Variants in EEF1AKMT2 observed in about 807,000 individuals in gnomAD.
The protein encoded by EEF1AKMT2 is EEF1A lysine methyltransferase 2, also known as eukaryotic translation elongation factor 1 alpha lysine methyltransferase 2.
A neutral mutation model predicts 35.8 loss-of-function variants in EEF1AKMT2; 32 were observed. That is an observed-to-expected ratio of 0.89 (90% CI 0.67 to 1.20). EEF1AKMT2 has a LOEUF of 1.20. EEF1AKMT2 is among the 50% of genes most tolerant of loss of function. The pLI is 0.00. For missense variants in EEF1AKMT2, 330 were observed against 347.5 expected (o/e 0.95, Z 0.40); for synonymous variants, 121 against 133.7 (o/e 0.91, Z 0.65).
In EEF1AKMT2 at chr10:124,783,137, CTTTTTTT is replaced by C. The variant is rs34632746; in HGVS notation, c.291+5899_291+5905del. 1.1e-4 allele frequency among the ~76,000 whole-genome samples: 9 copies of C among 85,016 alleles called. No homozygotes were observed. In the East Asian group the frequency reaches 2.0e-3, roughly 19 times the overall value. The allele number at this position is 85,016 out of a possible 152,430, so 55.8% of individuals were successfully genotyped here. ...TATTGGTGAGGATATAGGGAAAAAC[CTTTTTTT>C]TTTTTTTTTTTTTTGAGACAGAGTC... On this transcript the variant is annotated intron_variant, in intron 3 of 6. Coordinates refer to ENST00000368836, the MANE Select transcript of EEF1AKMT2 (RefSeq NM_212554.4).
In EEF1AKMT2 at chr10:124,760,096, T is replaced by C. The variant is rs1950318157; in HGVS notation, c.*407A>G. On this transcript the variant is annotated 3_prime_UTR_variant, in exon 7 of 7. Transcript: ENST00000368836. ...CCAAGGCACAAAAATCAAGAATACA[T>C]GCTTTCTATAAACTCATTTACTACT... 3.3e-6 allele frequency: 1 copy of C among 303,546 alleles called. No homozygotes were observed. The highest frequency in any genetic ancestry group is 5.5e-5 in the East Asian group (1 of 18,290). 18.8% of individuals were successfully genotyped at this position (303,546 alleles called of 1,614,324 possible).
chr10:124,779,801 G>A (rs1012742402), intron 3 of EEF1AKMT2, among the ~76,000 whole-genome samples: 2 of 135,768 alleles, frequency 1.5e-5, no homozygotes, highest in Admixed American at 7.9e-5. Flanking sequence ...GGTGGCTCAC[G>A]CCTGTAATCC....
chr10:124,791,091 CTT>C (rs1950630350), intron 1 of EEF1AKMT2, among the ~76,000 whole-genome samples: 2 of 152,272 alleles, frequency 1.3e-5, no homozygotes, highest in Middle Eastern at 6.8e-3. Flanking sequence ...TTTGCCGTCT[CTT>C]TTCCTACAAT....
chr10:124,765,413 A>G lies in EEF1AKMT2; in HGVS notation c.595T>C (p.Leu199=). 2.5e-6 allele frequency: 4 copies of G among 1,613,788 alleles called. No individual in the cohort carries two copies. The highest frequency in any genetic ancestry group is 2.5e-6 in the Non-Finnish European group (3 of 1,179,884). Residue 199 remains leucine, a synonymous_variant, in exon 5 of 7, where the codon TTG becomes CTG. Coordinates refer to ENST00000368836, the MANE Select transcript of EEF1AKMT2 (RefSeq NM_212554.4). The stretch of plus-strand genomic sequence containing the variant: ...TTACCTTCACTGAATTCATTTAGCA[A>G]CTCTTCCTTGGTCCAATTACATGAC... ...ITSCNWTKEE[L]LNEFSEGWST...
In EEF1AKMT2 at chr10:124,774,762, AT is replaced by A; in HGVS notation, c.311del (p.Asn104IlefsTer19). 6.8e-7 allele frequency: 1 copy of A among 1,470,512 alleles called. No individual in the cohort carries two copies. The highest frequency in any genetic ancestry group is 1.6e-5 in the South Asian group (1 of 63,946). The allele number at this position is 1,470,512 out of a possible 1,614,324, so 91.1% of individuals were successfully genotyped here. ...LVELAKFGFS[N>X]ITGIDYSPSA... ...AAGGAGAGTAATCAATTCCAGTAATATTAGAGAAACCAAATTTTGCCTAGAG... is the reference window on the plus strand; with the variant it reads ...AAGGAGAGTAATCAATTCCAGTAATATAGAGAAACCAAATTTTGCCTAGAG... On this transcript the variant is annotated frameshift_variant, in exon 4 of 7. Coordinates refer to ENST00000368836, the MANE Select transcript of EEF1AKMT2 (RefSeq NM_212554.4). LOFTEE classifies it high-confidence loss of function.
At chr10:124,772,420 C>CTTTTTTTTTTTTTTTTTTT (rs59707540) in intron 4 of EEF1AKMT2, among the ~76,000 whole-genome samples, 1 of 75,412 alleles carries the variant, frequency 1.3e-5, no homozygotes, top group Admixed American at 2.2e-4. Context: ...TTTTCTTTTT[C>CTTTTTTTTTTTTTTTTTTT]TTTTTTTTTT....
intron 3 of EEF1AKMT2, among the ~76,000 whole-genome samples, chr10:124,782,513 C>T (rs905248488): frequency 7.4e-6 from 1 of 135,554 alleles, no homozygotes; most frequent in African/African-American, 2.8e-5. Context: ...ACCTGGGAGG[C>T]GGAGCTTGCA....
chr10:124,773,847 G>A (rs760836253), intron 4 of EEF1AKMT2, among the ~76,000 whole-genome samples: 1 of 152,102 alleles, frequency 6.6e-6, no homozygotes, highest in South Asian at 2.1e-4. Flanking sequence ...TGAAAAAATG[G>A]TGTCAACAGA....
intron 4 of EEF1AKMT2, among the ~76,000 whole-genome samples, chr10:124,772,754 T>G (rs1950449462): frequency 1.3e-5 from 2 of 152,186 alleles, no homozygotes; most frequent in African/African-American, 4.8e-5. Flanking sequence ...TTAAATCTCA[T>G]GAACTAACTA....
At chr10:124,783,864 G>C (rs1482019454) in intron 3 of EEF1AKMT2, among the ~76,000 whole-genome samples, 1 of 151,494 alleles carries the variant, frequency 6.6e-6, no homozygotes, top group Admixed American at 6.6e-5. Flanking sequence ...CACTCTAGTT[G>C]CCCAGGCTGG....
In EEF1AKMT2 at chr10:124,764,826, G is replaced by A. The variant is rs573724442; in HGVS notation, c.616+566C>T. Among the ~76,000 whole-genome samples the A allele has an allele frequency of 9.2e-5, 14 of 152,344 alleles. No homozygotes were observed. In the South Asian group the frequency reaches 2.9e-3, roughly 32 times the overall value. On this transcript the variant is annotated intron_variant, in intron 5 of 6. Coordinates refer to ENST00000368836, the MANE Select transcript of EEF1AKMT2 (RefSeq NM_212554.4). The stretch of plus-strand genomic sequence containing the variant: ...CTGAAGCCAGAAGCACAATATATGT[G>A]CTTTTTGTTTGATTCTATAAATAAT...
At chr10:124,756,546 G>A (rs550509582), downstream of EEF1AKMT2, among the ~76,000 whole-genome samples, 206 of 152,334 alleles carry the variant, frequency 1.4e-3, no homozygotes, top group Admixed American at 3.0e-3. Flanking sequence ...TTAATGATCA[G>A]TCTAATACAC....
intron 6 of EEF1AKMT2, among the ~76,000 whole-genome samples, chr10:124,761,869 C>A (rs1013723266): frequency 1.3e-5 from 2 of 152,140 alleles, no homozygotes; most frequent in East Asian, 3.8e-4. Context: ...CTGTGGTAAG[C>A]CGAGATTATC....
chr10:124,774,250 C>T (rs939701929), intron 4 of EEF1AKMT2, among the ~76,000 whole-genome samples: 1 of 151,388 alleles, frequency 6.6e-6, no homozygotes, highest in Non-Finnish European at 1.5e-5. Flanking sequence ...GCCTGTAGTC[C>T]CAGCTACTTC....
chr10:124,771,302 T>C (rs561701377), intron 4 of EEF1AKMT2, among the ~76,000 whole-genome samples: 1 of 151,900 alleles, frequency 6.6e-6, no homozygotes, highest in East Asian at 2.0e-4. Flanking sequence ...GGTTTCACCA[T>C]GTTAGCCAGG....
intron 3 of EEF1AKMT2, among the ~76,000 whole-genome samples, chr10:124,786,682 C>A (rs1241079039): frequency 6.8e-6 from 1 of 147,382 alleles, no homozygotes. Flanking sequence ...GCATGGTGTA[C>A]GCCTGTAATC....
intron 3 of EEF1AKMT2, among the ~76,000 whole-genome samples, chr10:124,781,416 T>C (rs1026847265): frequency 5.3e-5 from 8 of 151,178 alleles, no homozygotes; most frequent in Admixed American, 4.6e-4. Flanking sequence ...CCATCTCTAC[T>C]AAAAACACAA....
At position 124,786,574 on chromosome 10, in the gene EEF1AKMT2, C is replaced by G. The variant is rs907212598; in HGVS notation, c.291+2469G>C. Among the ~76,000 whole-genome samples the G allele has an allele frequency of 4.0e-5, 6 of 151,062 alleles. No homozygotes were observed. The East Asian group carries it at 1.2e-3, about 30-fold the overall frequency. The stretch of plus-strand genomic sequence containing the variant: ...CCTATAATACCAGCACTCCGGGAGG[C>G]TGAGGCAGGCAGATGGATTACCTGA... On this transcript the variant is annotated intron_variant, in intron 3 of 6. Coordinates refer to ENST00000368836, the MANE Select transcript of EEF1AKMT2 (RefSeq NM_212554.4).
At chr10:124,786,522 A>G (rs894523838) in intron 3 of EEF1AKMT2, among the ~76,000 whole-genome samples, 4 of 150,292 alleles carry the variant, frequency 2.7e-5, no homozygotes, top group Non-Finnish European at 5.9e-5. Flanking sequence ...AAAAAAAAGA[A>G]GTTCAGGCCA....
Sources: gnomAD v4.1 joint callset for allele counts (sites outside exome capture counted in the v4.1 genomes callset) on GRCh38, gnomAD v4.1.1 for gene constraint, MANE v1.5 for transcripts, NCBI Gene and HGNC (gene_info 2026-07-23, HGNC 2026-07-21) for gene names.